Variants in ABAT observed in about 807,000 individuals in gnomAD.
ABAT encodes 4-aminobutyrate aminotransferase, mitochondrial.
A neutral mutation model predicts 64.6 loss-of-function variants in ABAT; 45 were observed. That is an observed-to-expected ratio of 0.70 (90% confidence interval 0.55 to 0.89). The LOEUF is 0.89. ABAT is among the 40% of genes least tolerant of loss of function. The pLI, the probability that ABAT is intolerant of heterozygous loss-of-function variation, is 0.00. For synonymous variants in ABAT, 297 were observed against 250.5 expected (o/e 1.19, Z -1.75); for missense variants, 633 against 658.4 (o/e 0.96, Z 0.42).
At chr16:8,678,511 C>T (rs1306599605) in intron 1 of ABAT, among the ~76,000 whole-genome samples, 4 of 152,232 alleles carry the variant, frequency 2.6e-5, no homozygotes, top group African/African-American at 9.6e-5. Flanking sequence ...TCACCCGCTT[C>T]TCCACCAGGC....
rs114384089 is a variant in ABAT, at chr16:8,723,312, G to C, written c.-41-12387G>C. On this transcript the variant is annotated intron_variant, in intron 1 of 15. Coordinates refer to ENST00000268251, the MANE Select transcript of ABAT (RefSeq NM_020686.6). ...TCCAGGAGAAGGATGATGGCAAGTT[G>C]GACCAGAGCATGTTGGAGACTTGTG... is the stretch of plus-strand genomic sequence containing the variant. Among the ~76,000 whole-genome samples, 863 of 152,254 alleles carry C rather than the reference G, an allele frequency of 5.7e-3. 10 individuals are homozygous for C. Among genetic ancestry groups the C allele is most frequent in the African/African-American group, 0.019 (805 of 41,556 alleles).
chr16:8,676,179 A>G (rs1194069961), intron 1 of ABAT, among the ~76,000 whole-genome samples: 1 of 152,110 alleles, frequency 6.6e-6, no homozygotes, highest in Non-Finnish European at 1.5e-5. Context: ...CTCGAGGCCC[A>G]AAGAGGTTAG....
intron 12 of ABAT, among the ~76,000 whole-genome samples, chr16:8,774,179 G>A (rs759632702): frequency 3.6e-4 from 55 of 152,068 alleles, no homozygotes; most frequent in Non-Finnish European, 6.6e-4. Flanking sequence ...TGATTTGCCC[G>A]CCTCAGCCTC....
chr16:8,701,798 G>C (rs1236816195), intron 1 of ABAT, among the ~76,000 whole-genome samples: 2 of 152,208 alleles, frequency 1.3e-5, no homozygotes, highest in Non-Finnish European at 2.9e-5. Flanking sequence ...GAGGAAGACA[G>C]GGCGGGAGCC....
At chr16:8,775,863 G>A (rs1031782716) in intron 13 of ABAT, among the ~76,000 whole-genome samples, 3 of 152,152 alleles carry the variant, frequency 2.0e-5, no homozygotes, top group Admixed American at 6.6e-5. Context: ...TCAGTTAGCC[G>A]CATGGCCACC....
intron 1 of ABAT, among the ~76,000 whole-genome samples, chr16:8,723,418 A>T (rs13334372): frequency 1.4e-3 from 212 of 152,272 alleles, no homozygotes; most frequent in African/African-American, 4.8e-3. Context: ...GTACCAAGAA[A>T]GAGAGCCTTC....
intron 1 of ABAT, among the ~76,000 whole-genome samples, chr16:8,725,192 A>G (rs1398276154): frequency 6.6e-6 from 1 of 152,236 alleles, no homozygotes; most frequent in Non-Finnish European, 1.5e-5. Context: ...CTACGATTAT[A>G]GGCGTGAGCC....
At chr16:8,741,001 C>T (rs2059148136) in intron 2 of ABAT, among the ~76,000 whole-genome samples, 1 of 152,234 alleles carries the variant, frequency 6.6e-6, no homozygotes, top group African/African-American at 2.4e-5. Context: ...ATTCGTTTAT[C>T]ACTCTCGGTC....
intron 1 of ABAT, among the ~76,000 whole-genome samples, chr16:8,694,388 G>GTTTGA (rs2057656004): frequency 6.6e-6 from 1 of 151,018 alleles, no homozygotes; most frequent in South Asian, 2.1e-4. Context: ...TTTTTTGTTT[G>GTTTGA]TTTGTTTTGT....
intron 1 of ABAT, among the ~76,000 whole-genome samples, chr16:8,699,618 G>C (rs2057775596): frequency 6.6e-6 from 1 of 152,124 alleles, no homozygotes; most frequent in African/African-American, 2.4e-5. Flanking sequence ...CTGGAGTGCA[G>C]TGGTGTGATC....
At chr16:8,768,763 C>G (rs1421957632) in intron 10 of ABAT, 62 bp from the exon 11 acceptor site, 2 of 1,611,110 alleles carry the variant, frequency 1.2e-6, no homozygotes, top group African/African-American at 1.3e-5. Context: ...ATCTCCTTTA[C>G]AAAGACGGTA....
intron 1 of ABAT, among the ~76,000 whole-genome samples, chr16:8,718,427 T>C (rs2142148301): frequency 6.6e-6 from 1 of 152,326 alleles, no homozygotes; most frequent in Non-Finnish European, 1.5e-5. Flanking sequence ...GAAAAAAAGT[T>C]TGAGAAACAT....
chr16:8,721,573 A>G (rs957572810), intron 1 of ABAT, among the ~76,000 whole-genome samples: 3 of 152,148 alleles, frequency 2.0e-5, no homozygotes, highest in African/African-American at 7.2e-5. Flanking sequence ...AGGCTTCTGA[A>G]CCGGTTTTAT....
intron 1 of ABAT, among the ~76,000 whole-genome samples, chr16:8,679,143 C>T (rs780420522): frequency 6.6e-6 from 1 of 152,214 alleles, no homozygotes; most frequent in East Asian, 1.9e-4. Context: ...GTGAGTGAGC[C>T]ACTGCACTCC....
chr16:8,776,631 G>T lies in ABAT; in HGVS notation c.1269+141G>T. 1.1e-6 allele frequency: 1 copy of T among 920,692 alleles called. No individual in the cohort carries two copies. 57.0% of individuals were successfully genotyped at this position (920,692 alleles called of 1,614,324 possible). A position where few individuals can be genotyped will look rare whatever the true frequency, so the allele number is the denominator to read the frequency against. On this transcript the variant is annotated intron_variant, in intron 14 of 15. Transcript: ENST00000268251. This position sits in a 1 kb window ranked among gnomAD's most constrained non-coding sequence, Gnocchi z 4.4. ...CGGGCTGTGCTGCTCCTAGCCTTGG[G>T]GGCTTTGCACATGCTGTGTCCTCTG...
intron 1 of ABAT, among the ~76,000 whole-genome samples, chr16:8,731,878 G>C (rs2058730962): frequency 6.6e-6 from 1 of 151,794 alleles, no homozygotes; most frequent in Admixed American, 6.6e-5. Flanking sequence ...CCTTGAAACA[G>C]AGTCTCGCCC....
chr16:8,676,995 A>T (rs75060146), intron 1 of ABAT, among the ~76,000 whole-genome samples: 9,276 of 152,222 alleles, frequency 0.061, 413 homozygotes, highest in Admixed American at 0.12. Flanking sequence ...TCCCAGCTAA[A>T]GGATTGGTTG....
chr16:8,755,389 C>T (rs887174115), intron 5 of ABAT, among the ~76,000 whole-genome samples: 3 of 152,164 alleles, frequency 2.0e-5, no homozygotes, highest in South Asian at 2.1e-4. Flanking sequence ...GGTGATGTGG[C>T]CACTTCCCAG....
rs1079348 is a variant in ABAT, at chr16:8,779,599, T to C, written c.1381+9T>C. On this transcript the variant is annotated intron_variant, in intron 15 of 15. Coordinates refer to ENST00000268251, the MANE Select transcript of ABAT (RefSeq NM_020686.6). ...AATTGCCAGAAACAAAGGTAAGGGG[T>C]CAGGAGTGGCTGCTGAGTTTCATGA... 481,978 of 1,608,896 alleles carry C rather than the reference T, an allele frequency of 0.3. 73,976 individuals are homozygous for C. Among genetic ancestry groups the C allele is most frequent in the African/African-American group, 0.43 (32,491 of 74,812 alleles).
Sources: gnomAD v4.1 joint callset for allele counts (sites outside exome capture counted in the v4.1 genomes callset) on GRCh38, gnomAD v4.1.1 for gene constraint, Gnocchi (gnomAD v3.1) non-coding constraint, MANE v1.5 for transcripts, NCBI Gene and HGNC (gene_info 2026-07-23, HGNC 2026-07-21) for gene names.